MCF2L: variants seen among roughly 807,000 people sequenced by gnomAD.
MCF2L encodes guanine nucleotide exchange factor DBS.
In MCF2L, 97 loss-of-function variants were observed where a neutral mutation model predicts 153.4. That is an observed-to-expected ratio of 0.63 (90% CI 0.54 to 0.75). The LOEUF (loss-of-function observed/expected upper bound fraction) is 0.75, where lower values mean the gene tolerates loss of function less well. Ranked by LOEUF, MCF2L falls within the 30% of genes least tolerant of loss-of-function variation. The pLI is 0.00. For synonymous variants in MCF2L, 659 were observed against 632.2 expected, an observed-to-expected ratio of 1.04 and a Z score of -0.64; for missense variants, 1,347 against 1,495.2, an observed-to-expected ratio of 0.90 and a Z score of 1.64.
At chr13:113,047,916 G>T (rs983398039) in intron 4 of MCF2L, among the ~76,000 whole-genome samples, 1 of 152,190 alleles carries the variant, frequency 6.6e-6, no homozygotes, top group Non-Finnish European at 1.5e-5. Context: ...CGGCCCCTCC[G>T]CTGACGCCTC....
intron 1 of MCF2L, among the ~76,000 whole-genome samples, chr13:112,894,645 A>T (rs1424627091): frequency 2.0e-5 from 3 of 151,968 alleles, no homozygotes; most frequent in African/African-American, 7.2e-5. Flanking sequence ...CTGCGCTGGG[A>T]ACTTCGAGGC....
chr13:113,025,916 GTGA>G, intron 3 of MCF2L, among the ~76,000 whole-genome samples: 1 of 82,500 alleles, frequency 1.2e-5, no homozygotes, highest in African/African-American at 3.9e-5. Context: ...TGGGGTCCCC[GTGA>G]CTGTGGGTCG....
chr13:113,063,731 C>A (rs74115772), intron 5 of MCF2L: 1 of 414,364 alleles, frequency 2.4e-6, no homozygotes, highest in Non-Finnish European at 4.9e-6. Flanking sequence ...GCAGAGGTGC[C>A]GGGGCCACTG....
chr13:112,956,270 G>T (rs1292662418), intron 2 of MCF2L: 1 of 152,208 alleles, frequency 6.6e-6, no homozygotes, highest in Admixed American at 6.5e-5. Flanking sequence ...AGAGATCCAG[G>T]TTAAAAAAAG....
At chr13:113,090,486 G>T (rs2035103163) in intron 26 of MCF2L, 1 of 984,524 alleles carries the variant, frequency 1.0e-6, no homozygotes, top group Non-Finnish European at 1.2e-6. Context: ...TCCCTGCAGG[G>T]TGCTGACCTT....
chr13:112,970,958 C>G (rs2082019831), intron 1 of MCF2L, among the ~76,000 whole-genome samples: 1 of 152,132 alleles, frequency 6.6e-6, no homozygotes, highest in African/African-American at 2.4e-5. Flanking sequence ...CCAGGACTTT[C>G]AAGTCCAGCT....
Position 113,070,057 on chromosome 13 carries a change from A to G in MCF2L, c.882-2A>G, listed in dbSNP as rs774154541. On this transcript the variant is annotated splice_acceptor_variant, in intron 8 of 29. Transcript: ENST00000535094. LOFTEE classifies it high-confidence loss of function. This position sits in a 1 kb window ranked among gnomAD's most constrained non-coding sequence, Gnocchi z 5.6. ...AGACGGTCAACTCCTCCTCTTTCCC[A>G]GGCTCCTGGCCCAGCTGAACGAAAC... The G allele has an allele frequency of 1.2e-6, 2 of 1,606,116 alleles. No homozygotes were observed. The highest frequency in any genetic ancestry group is 2.2e-5 in the South Asian group (2 of 90,268).
chr13:113,066,753 C>A (rs2032434473), intron 8 of MCF2L, among the ~76,000 whole-genome samples: 1 of 151,536 alleles, frequency 6.6e-6, no homozygotes, highest in Non-Finnish European at 1.5e-5. Flanking sequence ...ACTCCCCAAG[C>A]CTCCCATGTC....
chr13:113,015,478 G>A (rs1216807953), intron 2 of MCF2L, among the ~76,000 whole-genome samples: 1 of 152,164 alleles, frequency 6.6e-6, no homozygotes, highest in Non-Finnish European at 1.5e-5. Flanking sequence ...TGCCGAGGAG[G>A]GTGCCCCGAT....
chr13:112,976,110 C>T (rs2140869081), intron 1 of MCF2L, among the ~76,000 whole-genome samples: 1 of 151,180 alleles, frequency 6.6e-6, no homozygotes, highest in African/African-American at 2.4e-5. Context: ...CTGGCATTTG[C>T]CTCTAAATTG....
intron 2 of MCF2L, among the ~76,000 whole-genome samples, chr13:112,918,396 G>A (rs758083547): frequency 1.3e-5 from 2 of 152,238 alleles, no homozygotes; most frequent in Non-Finnish European, 2.9e-5. Context: ...GAGAGCAGGA[G>A]TAACTGACGC....
Position 112,924,289 on chromosome 13 carries a change from C to T in MCF2L, c.169+21918C>T, listed in dbSNP as rs115093413. Among the ~76,000 whole-genome samples the T allele has an allele frequency of 4.0e-3, 604 of 152,132 alleles. 4 individuals carry two copies. The highest frequency in any genetic ancestry group is 0.014 in the African/African-American group (576 of 41,490). The stretch of plus-strand genomic sequence containing the variant: ...CTGGGCTACAGAGACAGCACAGACA[C>T]GGGAGTTTACCTTTTCCTTTTCATT... On this transcript the variant is annotated intron_variant, in intron 2 of 29. Transcript: ENST00000375608.
intron 1 of MCF2L, among the ~76,000 whole-genome samples, chr13:112,970,982 C>T (rs1164979560): frequency 7.2e-5 from 11 of 152,156 alleles, no homozygotes; most frequent in African/African-American, 2.2e-4. Context: ...CAGATATCCT[C>T]GGTTATGAGC....
intron 2 of MCF2L, among the ~76,000 whole-genome samples, chr13:112,925,426 G>A (rs1270088454): frequency 2.6e-5 from 4 of 152,186 alleles, no homozygotes; most frequent in Non-Finnish European, 4.4e-5. Flanking sequence ...GTATGTGGAC[G>A]TTCACAGCAG....
At chr13:113,072,741 CT>C (rs2033044869) in intron 9 of MCF2L, among the ~76,000 whole-genome samples, 1 of 151,898 alleles carries the variant, frequency 6.6e-6, no homozygotes, top group South Asian at 2.1e-4. Flanking sequence ...TTCCTTTTTT[CT>C]TTGTCAATCT....
chr13:112,979,474 G>C (rs958442126), intron 1 of MCF2L: 42 of 1,428,126 alleles, frequency 2.9e-5, no homozygotes, highest in Non-Finnish European at 3.7e-5. Flanking sequence ...TCTTTCTTGT[G>C]AGTTGGCGAA....
At chr13:113,006,638 G>A (rs777141703) in intron 1 of MCF2L, among the ~76,000 whole-genome samples, 16 of 152,332 alleles carry the variant, frequency 1.1e-4, no homozygotes, top group African/African-American at 2.2e-4. Context: ...CACCCTGGGC[G>A]GCCTCCAGGA....
Position 113,096,593 on chromosome 13 carries a change from G to A in MCF2L, c.3232G>A (p.Ala1078Thr). Residue 1078 changes from alanine (A) to threonine (T), a missense_variant, in exon 29 of 30, where the codon GCC becomes ACC. By Grantham distance (58) the Ala-to-Thr change is moderately conservative (BLOSUM62 0). Coordinates refer to ENST00000535094, the MANE Select transcript of MCF2L (RefSeq NM_001112732.3). ...PTTGKEGWVP[A>T]SSLSVRLGPS... Reference sequence around the variant, plus strand: ...CACTGGCAAGGAGGGCTGGGTGCCGGCCAGCAGCCTGTCCGTCCGGCTCGG... The same window carrying A: ...CACTGGCAAGGAGGGCTGGGTGCCGACCAGCAGCCTGTCCGTCCGGCTCGG... The A allele has an allele frequency of 6.2e-7, 1 of 1,603,240 alleles. No individual in the cohort carries two copies. The highest frequency in any genetic ancestry group is 1.1e-5 in the South Asian group (1 of 90,510).
intron 5 of MCF2L, among the ~76,000 whole-genome samples, chr13:113,061,065 C>T (rs939776062): frequency 5.3e-5 from 8 of 152,208 alleles, no homozygotes; most frequent in South Asian, 2.1e-4. Flanking sequence ...GGCCCACCCG[C>T]GAGGAACTCA....
Sources: gnomAD v4.1 joint callset for allele counts (sites outside exome capture counted in the v4.1 genomes callset) on GRCh38, gnomAD v4.1.1 for gene constraint, Gnocchi (gnomAD v3.1) non-coding constraint, MANE v1.5 for transcripts, NCBI Gene and HGNC (gene_info 2026-07-23, HGNC 2026-07-21) for gene names.